NRP1: variants seen among roughly 807,000 people sequenced by gnomAD.
NRP1 encodes the protein neuropilin-1.
A neutral mutation model predicts 106.7 loss-of-function variants in NRP1; 35 were observed. The observed-to-expected ratio is 0.33, with a 90% CI of 0.25 to 0.43. The LOEUF is 0.43. Among genes scored for constraint, NRP1 ranks in the 20% least tolerant of loss-of-function variants. NRP1 has a pLI of 1.00. For synonymous variants in NRP1, 437 were observed against 417.9 expected, an observed-to-expected ratio of 1.05 and a Z score of -0.56; for missense variants, 1,024 against 1,170.4, an observed-to-expected ratio of 0.87 and a Z score of 1.83.
In NRP1 at chr10:33,188,910, AATATATATATATATATATAT is replaced by A. The variant is rs9299704; in HGVS notation, c.2063-2442_2063-2423del. On this transcript the variant is annotated intron_variant, in intron 13 of 16. Transcript: ENST00000374867. The stretch of plus-strand genomic sequence containing the variant: ...CCTAGGCAACAGAGACCCTGTCTTA[AATATATATATATATATATAT>A]ATATATAAATTAAAACTGCTCGTGT... Among the ~76,000 whole-genome samples, 510 of 111,388 alleles carry A rather than the reference AATATATATATATATATATAT, an allele frequency of 4.6e-3. 13 individuals are homozygous for A. Among genetic ancestry groups the A allele is most frequent in the African/African-American group, 0.02 (494 of 24,720 alleles). 73.1% of individuals were successfully genotyped at this position (111,388 alleles called of 152,430 possible). A position where few individuals can be genotyped will look rare whatever the true frequency, so the allele number is the denominator to read the frequency against.
chr10:33,241,958 C>T lies in NRP1; in HGVS notation c.981+12070G>A, dbSNP rs534804459. Among the ~76,000 whole-genome samples, 24 of 152,106 alleles carry T rather than the reference C, an allele frequency of 1.6e-4. 1 individual carries two copies. The South Asian group carries it at 3.7e-3, about 24-fold the overall frequency. ...ATTTTATATGAGAAACATAAATATT[C>T]GAAATCTAGACACTTTAAAGAAAGA... On this transcript the variant is annotated intron_variant, in intron 6 of 16. Transcript: ENST00000374867.
At position 33,281,496 on chromosome 10, in the gene NRP1, C is replaced by T. The variant is rs147817602; in HGVS notation, c.249-10640G>A. Among the ~76,000 whole-genome samples, 6 of 152,308 alleles carry T rather than the reference C, an allele frequency of 3.9e-5. No individual in the cohort carries two copies. In the East Asian group the frequency reaches 1.2e-3, roughly 29 times the overall value. ...CCTTTGATCCAAAAGGCGGCTCCTC[C>T]ATTAAGAAGGATCACCATCTTTGAC... On this transcript the variant is annotated intron_variant, in intron 2 of 16. Coordinates refer to ENST00000374867, the MANE Select transcript of NRP1 (RefSeq NM_003873.7).
At chr10:33,235,799 T>C (rs1371110786) in intron 6 of NRP1, among the ~76,000 whole-genome samples, 1 of 152,242 alleles carries the variant, frequency 6.6e-6, no homozygotes, top group African/African-American at 2.4e-5. Context: ...AACTCTTATG[T>C]AGAGTCAAAG....
chr10:33,238,196 CTT>C (rs1840730491), intron 6 of NRP1, among the ~76,000 whole-genome samples: 1 of 152,220 alleles, frequency 6.6e-6, no homozygotes, highest in African/African-American at 2.4e-5. Context: ...AGACTTCTCT[CTT>C]GAGTCTAGCA....
chr10:33,213,755 T>C (rs754078575), intron 8 of NRP1, 38 bp from the exon 9 acceptor site: 32 of 1,458,020 alleles, frequency 2.2e-5, no homozygotes, highest in Non-Finnish European at 2.5e-5. Context: ...TAAAATGATT[T>C]CCTGGGCGAC....
chr10:33,207,759 A>C (rs1588723510), intron 9 of NRP1, 43 bp from the exon 10 acceptor site: 3 of 1,594,616 alleles, frequency 1.9e-6, no homozygotes, highest in Non-Finnish European at 8.5e-7. Context: ...AAAAAAAAAA[A>C]CAGAGCTCCC....
At chr10:33,325,305 T>A (rs778754447) in intron 2 of NRP1, among the ~76,000 whole-genome samples, 14 of 152,208 alleles carry the variant, frequency 9.2e-5, no homozygotes, top group Admixed American at 2.0e-4. Flanking sequence ...AATACAAGAC[T>A]AGAGTGAGGT....
intron 8 of NRP1, among the ~76,000 whole-genome samples, chr10:33,220,900 C>CAAAAAAAA (rs35895871): frequency 2.5e-4 from 15 of 60,664 alleles, no homozygotes; most frequent in African/African-American, 3.1e-4. Flanking sequence ...GGCTCAGTCT[C>CAAAAAAAA]AAAAAAAAAA....
At chr10:33,185,514 C>G in intron 15 of NRP1, 114 bp downstream of exon 15, 1 of 743,624 alleles carries the variant, frequency 1.3e-6, no homozygotes, top group Admixed American at 2.5e-5. Context: ...TATGATGTGC[C>G]GAGAGGCCAC....
At chr10:33,188,599 G>A (rs749962377) in intron 13 of NRP1, among the ~76,000 whole-genome samples, 7 of 152,062 alleles carry the variant, frequency 4.6e-5, no homozygotes, top group African/African-American at 9.6e-5. Context: ...TCGTGTGGCC[G>A]GGCGCGGTGG....
rs557755076 is a variant in NRP1, at chr10:33,222,583, C to T, written c.1138-720G>A. Among the ~76,000 whole-genome samples, 21 of 151,888 alleles carry T rather than the reference C, an allele frequency of 1.4e-4. No individual in the cohort carries two copies. The South Asian group carries it at 3.5e-3, about 26-fold the overall frequency. Reference sequence around the variant, plus strand: ...TTAGCCAGGCTGGAGTGCAGTGATGCGATCTCGGCTCACTGCGGCCTCCGC... The same window carrying T: ...TTAGCCAGGCTGGAGTGCAGTGATGTGATCTCGGCTCACTGCGGCCTCCGC... On this transcript the variant is annotated intron_variant, in intron 7 of 16. Transcript: ENST00000374867.
intron 2 of NRP1, 29 bp downstream of exon 2, chr10:33,330,679 G>GCA (rs1412948733): frequency 6.3e-7 from 1 of 1,594,994 alleles, no homozygotes; most frequent in South Asian, 1.1e-5. Flanking sequence ...TGGTGCTGTG[G>GCA]TGCCCTGTTC....
intron 2 of NRP1, among the ~76,000 whole-genome samples, chr10:33,306,355 G>GGGGTGTGTGT (rs1554808824): frequency 3.4e-5 from 5 of 148,026 alleles, no homozygotes; most frequent in African/African-American, 1.2e-4. Flanking sequence ...GGGTCAGAAG[G>GGGGTGTGTGT]GTGTGTGTGT....
chr10:33,249,084 G>GTTTTTCTTTTTTT (rs1841643033), intron 6 of NRP1, among the ~76,000 whole-genome samples: 1 of 72,198 alleles, frequency 1.4e-5, no homozygotes, highest in African/African-American at 5.8e-5. Context: ...TATGTCTCTT[G>GTTTTTCTTTTTTT]TTTTTTTTTT....
Position 33,180,094 on chromosome 10 carries a change from A to G in NRP1, c.2754T>C (p.Ser918=), listed in dbSNP as rs1835584254. The G allele has an allele frequency of 1.2e-6, 2 of 1,613,898 alleles. No homozygotes were observed. The highest frequency in any genetic ancestry group is 1.7e-6 in the Non-Finnish European group (2 of 1,179,994). Residue 918 remains serine (S), a synonymous_variant, in exon 17 of 17, where the codon AGT becomes AGC. Coordinates refer to ENST00000374867, the MANE Select transcript of NRP1 (RefSeq NM_003873.7). ...TCTGCCTTCATGCCTCCGAATAAGT[A>G]CTCTGTGTATTCAGTTTGTCTTTTT... ...KLKKDKLNTQ[S]TYSEA
chr10:33,303,279 C>G (rs1055898554), intron 2 of NRP1, among the ~76,000 whole-genome samples: 7 of 152,160 alleles, frequency 4.6e-5, no homozygotes, highest in Admixed American at 1.3e-4. Flanking sequence ...TATCTTGGAA[C>G]ACATCCTTCT....
At chr10:33,199,389 ATTTTTTTTTTTTTTTTT>A (rs1160327036) in intron 11 of NRP1, among the ~76,000 whole-genome samples, 17 of 36,842 alleles carry the variant, frequency 4.6e-4, no homozygotes, top group African/African-American at 1.8e-3. Context: ...ATATATATAT[ATTTTTTTTTTTTTTTTT>A]TTTTTTTTTT....
intron 2 of NRP1, among the ~76,000 whole-genome samples, chr10:33,288,889 G>C (rs1001949811): frequency 9.2e-5 from 14 of 152,008 alleles, no homozygotes; most frequent in Non-Finnish European, 1.8e-4. Flanking sequence ...TTTTTAGGGG[G>C]GTCTTGTGTG....
intron 2 of NRP1, among the ~76,000 whole-genome samples, chr10:33,321,192 G>A (rs1588991570): frequency 6.6e-6 from 1 of 152,076 alleles, no homozygotes; most frequent in East Asian, 1.9e-4. Flanking sequence ...TCACCATATT[G>A]GCCAGGCTGG....
Sources: gnomAD v4.1 joint callset for allele counts (sites outside exome capture counted in the v4.1 genomes callset) on GRCh38, gnomAD v4.1.1 for gene constraint, MANE v1.5 for transcripts, NCBI Gene and HGNC (gene_info 2026-07-23, HGNC 2026-07-21) for gene names.